LIN28B: variants seen among roughly 807,000 people sequenced by gnomAD.
The protein encoded by LIN28B is protein lin-28 homolog B.
Under a neutral mutation model 21.9 loss-of-function variants are expected in LIN28B, and 5 were observed. The observed-to-expected ratio is 0.23, with a 90% CI of 0.12 to 0.48. The LOEUF is 0.48. Ranked by LOEUF, LIN28B falls within the 20% of genes least tolerant of loss-of-function variation. The pLI, the probability that LIN28B is intolerant of heterozygous loss-of-function variation, is 0.98. For synonymous variants in LIN28B, 109 were observed against 111.3 expected, an observed-to-expected ratio of 0.98 and a Z score of 0.13; for missense variants, 245 against 310.5, an observed-to-expected ratio of 0.79 and a Z score of 1.58.
rs567136416 is a variant in LIN28B at position 104,997,206 on chromosome 6, G to A, written c.199-29092G>A. 2.9e-4 allele frequency among the ~76,000 whole-genome samples: 44 copies of A among 151,306 alleles called. No individual in the cohort carries two copies. In the South Asian group the frequency reaches 7.9e-3, roughly 27 times the overall value. ...TGAGGCAGGAGAATGGCGTGGACCC[G>A]GGAGGCAGAGGTTGCAGTGAGCCAA... On this transcript the variant is annotated intron_variant, in intron 2 of 3. Transcript: ENST00000345080.
chr6:104,943,133 AAGTT>A (rs1188626908), intron 2 of LIN28B, among the ~76,000 whole-genome samples: 3 of 152,184 alleles, frequency 2.0e-5, no homozygotes, highest in Non-Finnish European at 2.9e-5. Flanking sequence ...GTAGTGCTCA[AAGTT>A]AGTCTTCAGA....
intron 3 of LIN28B, among the ~76,000 whole-genome samples, chr6:105,057,663 T>G (rs1772046855): frequency 6.6e-6 from 1 of 152,204 alleles, no homozygotes; most frequent in Non-Finnish European, 1.5e-5. Flanking sequence ...CATTGATATT[T>G]TATTGTATTA....
At chr6:104,980,459 G>T (rs1770196095) in intron 2 of LIN28B, among the ~76,000 whole-genome samples, 1 of 152,112 alleles carries the variant, frequency 6.6e-6, no homozygotes, top group Non-Finnish European at 1.5e-5. Context: ...GAGTTCCCAG[G>T]AGGCCCTCTC....
intron 2 of LIN28B, among the ~76,000 whole-genome samples, chr6:105,008,477 TA>T (rs1404364264): frequency 4.6e-5 from 7 of 152,060 alleles, no homozygotes; most frequent in African/African-American, 1.7e-4. Flanking sequence ...ACCCCGTCTC[TA>T]TTAAAAATAC....
At chr6:104,980,994 G>A (rs964611955) in intron 2 of LIN28B, among the ~76,000 whole-genome samples, 1 of 151,954 alleles carries the variant, frequency 6.6e-6, no homozygotes, top group African/African-American at 2.4e-5. Context: ...TTAAGATAAT[G>A]CCAAGCAGAA....
intron 3 of LIN28B, among the ~76,000 whole-genome samples, chr6:105,068,466 G>T (rs1034825863): frequency 6.6e-6 from 1 of 152,110 alleles, no homozygotes; most frequent in Non-Finnish European, 1.5e-5. Context: ...AGTTAAGTTG[G>T]TCTGAACACT....
chr6:105,075,491 C>A (rs531867976), intron 3 of LIN28B, among the ~76,000 whole-genome samples: 2 of 152,216 alleles, frequency 1.3e-5, no homozygotes, highest in East Asian at 3.9e-4. Flanking sequence ...AATATAAATA[C>A]CACTCCTCCC....
At chr6:105,076,831 C>T (rs761190307) in intron 3 of LIN28B, among the ~76,000 whole-genome samples, 8 of 151,990 alleles carry the variant, frequency 5.3e-5, no homozygotes, top group Non-Finnish European at 1.0e-4. Context: ...GTCTGGATCT[C>T]CTGACCTCAT....
chr6:105,017,838 G>A (rs1030184893), intron 2 of LIN28B, among the ~76,000 whole-genome samples: 5 of 152,180 alleles, frequency 3.3e-5, no homozygotes, highest in East Asian at 3.9e-4. Context: ...AAACCTCAGC[G>A]TCATGCAGTA....
At position 105,079,814 on chromosome 6, in the gene LIN28B, G is replaced by A. The variant is rs1772506886; in HGVS notation, c.*1031G>A. On this transcript the variant is annotated 3_prime_UTR_variant, in exon 4 of 4. Transcript: ENST00000345080. The stretch of plus-strand genomic sequence containing the variant: ...TTGGTGGTGGTTTTTATTCCTCCTG[G>A]AGAGTTATCTAATTTGTTTCTAAAA... The A allele has an allele frequency of 6.6e-6, 1 of 152,114 alleles. No individual in the cohort carries two copies. The highest frequency in any genetic ancestry group is 1.5e-5 in the Non-Finnish European group (1 of 68,030). The allele number at this position is 152,114 out of a possible 1,614,324, so 9.4% of individuals were successfully genotyped here.
At chr6:105,017,072 CAA>C (rs56179020) in intron 2 of LIN28B, among the ~76,000 whole-genome samples, 2,572 of 86,070 alleles carry the variant, frequency 0.03, 39 homozygotes, top group African/African-American at 0.082. Flanking sequence ...GACTCTGTCT[CAA>C]AAAAAAAAAA....
intron 2 of LIN28B, among the ~76,000 whole-genome samples, chr6:104,964,777 C>T (rs1394568705): frequency 6.6e-6 from 1 of 152,110 alleles, no homozygotes; most frequent in Non-Finnish European, 1.5e-5. Context: ...TTTGATACAT[C>T]AGGATACATC....
chr6:105,070,226 G>T (rs1419691869), intron 3 of LIN28B, among the ~76,000 whole-genome samples: 1 of 152,090 alleles, frequency 6.6e-6, no homozygotes, highest in Non-Finnish European at 1.5e-5. Flanking sequence ...GGTTTAATTG[G>T]TCTAGAGTAG....
chr6:104,991,126 G>T (rs1018156286), intron 2 of LIN28B, among the ~76,000 whole-genome samples: 1 of 140,802 alleles, frequency 7.1e-6, no homozygotes, highest in African/African-American at 2.7e-5. Context: ...TCACTTCCCA[G>T]AAGGGGCGGC....
intron 2 of LIN28B, among the ~76,000 whole-genome samples, chr6:104,983,684 C>T (rs2114256099): frequency 6.6e-6 from 1 of 152,272 alleles, no homozygotes. Context: ...TCAAGTGATT[C>T]TCCTGCCTCA....
At chr6:105,069,591 C>T (rs1772291785) in intron 3 of LIN28B, among the ~76,000 whole-genome samples, 1 of 151,348 alleles carries the variant, frequency 6.6e-6, no homozygotes, top group Non-Finnish European at 1.5e-5. Context: ...ATTAGCCAAG[C>T]ATGTTGGCAC....
chr6:104,988,406 A>G (rs979645817), intron 2 of LIN28B, among the ~76,000 whole-genome samples: 5 of 144,400 alleles, frequency 3.5e-5, no homozygotes, highest in South Asian at 4.4e-4. Flanking sequence ...TCTTTTTTCT[A>G]TTCCTTGGAA....
intron 2 of LIN28B, among the ~76,000 whole-genome samples, chr6:105,010,676 A>G (rs577829806): frequency 1.3e-3 from 198 of 152,240 alleles, no homozygotes; most frequent in Non-Finnish European, 2.4e-3. Flanking sequence ...TAATCTCTAA[A>G]TTTTCCAGCA....
chr6:104,960,549 A>G (rs749551544), intron 2 of LIN28B, among the ~76,000 whole-genome samples: 1 of 152,082 alleles, frequency 6.6e-6, no homozygotes, highest in Non-Finnish European at 1.5e-5. Flanking sequence ...TGTCTACTCA[A>G]AATTTTTAAA....
Sources: gnomAD v4.1 joint callset for allele counts (sites outside exome capture counted in the v4.1 genomes callset) on GRCh38, gnomAD v4.1.1 for gene constraint, MANE v1.5 for transcripts, NCBI Gene and HGNC (gene_info 2026-07-23, HGNC 2026-07-21) for gene names.